The following EML6 variants were observed in gnomAD, a reference collection of about 807,000 sequenced individuals.
EML6 encodes EMAP like 6, also known as echinoderm microtubule-associated protein-like 6.
Under a neutral mutation model 240.1 loss-of-function variants are expected in EML6, and 154 were observed. The ratio of observed to expected loss-of-function variants is 0.64; its 90% CI spans 0.56 to 0.73. The LOEUF (loss-of-function observed/expected upper bound fraction) is 0.73, where lower values mean the gene tolerates loss of function less well. EML6 is among the 30% of genes least tolerant of loss of function. The pLI, the probability that EML6 is intolerant of heterozygous loss-of-function variation, is 0.00. For synonymous variants in EML6, 1,148 were observed against 899.0 expected (o/e 1.28, Z -4.95); for missense variants, 2,964 against 2,474.6 (o/e 1.20, Z -4.20).
At chr2:54,844,774 G>C (rs1429170541) in intron 8 of EML6, among the ~76,000 whole-genome samples, 27 of 152,142 alleles carry the variant, frequency 1.8e-4, no homozygotes. Context: ...TAGTTTACTC[G>C]GAGCCTCCAG....
At chr2:54,802,508 T>C (rs1670207563) in intron 2 of EML6, among the ~76,000 whole-genome samples, 1 of 151,812 alleles carries the variant, frequency 6.6e-6, no homozygotes, top group Admixed American at 6.6e-5. Context: ...GTGCCTATGG[T>C]CCCAGCTACT....
chr2:54,832,687 A>C (rs752542919), intron 7 of EML6, among the ~76,000 whole-genome samples: 2 of 152,072 alleles, frequency 1.3e-5, no homozygotes, highest in Non-Finnish European at 2.9e-5. Flanking sequence ...GAGGGTGGGA[A>C]AAGAGCAAAA....
chr2:54,847,082 A>AT (rs780889986), intron 8 of EML6, among the ~76,000 whole-genome samples: 2 of 150,738 alleles, frequency 1.3e-5, no homozygotes, highest in African/African-American at 4.9e-5. Context: ...TAATTTTTGT[A>AT]TTTTTTGTAG....
chr2:54,902,669 G>T (rs1350862068), intron 22 of EML6, among the ~76,000 whole-genome samples: 1 of 152,220 alleles, frequency 6.6e-6, no homozygotes, highest in African/African-American at 2.4e-5. Context: ...AAGGTGCTGG[G>T]ATTACAGGCA....
intron 32 of EML6, among the ~76,000 whole-genome samples, chr2:54,954,448 C>T (rs562231012): frequency 1.2e-4 from 18 of 152,288 alleles, no homozygotes; most frequent in Admixed American, 6.5e-4. Flanking sequence ...AAGGCAGCAG[C>T]CTCCCCGACA....
At chr2:54,969,996 C>A in intron 41 of EML6, 75 bp from the exon 42 acceptor site, 5 of 1,496,154 alleles carry the variant, frequency 3.3e-6, no homozygotes, top group Non-Finnish European at 3.6e-6. Context: ...GAGCACTTGG[C>A]AAGATTGTTT....
At chr2:54,834,785 TA>T (rs1234217250) in intron 7 of EML6, among the ~76,000 whole-genome samples, 1 of 152,234 alleles carries the variant, frequency 6.6e-6, no homozygotes, top group African/African-American at 2.4e-5. Context: ...GACTTGTCAC[TA>T]TCTCCACTGA....
intron 2 of EML6, among the ~76,000 whole-genome samples, chr2:54,729,531 A>G (rs2104370209): frequency 6.6e-6 from 1 of 152,296 alleles, no homozygotes; most frequent in Admixed American, 6.5e-5. Context: ...ACTGTTGCTA[A>G]CCCCAGGCTA....
chr2:54,790,510 GTCACCACCCATT>G (rs576809203), intron 2 of EML6, among the ~76,000 whole-genome samples: 2 of 152,134 alleles, frequency 1.3e-5, no homozygotes, highest in East Asian at 3.9e-4. Context: ...ATACTCTATT[GTCACCACCCATT>G]TCACGGCTGG....
chr2:54,738,903 G>C (rs976835036), intron 2 of EML6, among the ~76,000 whole-genome samples: 7 of 152,078 alleles, frequency 4.6e-5, no homozygotes, highest in Non-Finnish European at 1.0e-4. Context: ...TAGGTCACGG[G>C]GTGCACATAT....
intron 2 of EML6, among the ~76,000 whole-genome samples, chr2:54,792,620 C>G (rs575520403): frequency 1.3e-5 from 2 of 152,240 alleles, no homozygotes; most frequent in East Asian, 3.9e-4. Context: ...ACAGATGTTT[C>G]AAAACTCACA....
intron 41 of EML6, among the ~76,000 whole-genome samples, chr2:54,969,247 C>T (rs1676885486): frequency 6.6e-6 from 1 of 152,202 alleles, no homozygotes; most frequent in South Asian, 2.1e-4. Flanking sequence ...ACTCACTCAG[C>T]TTCCCCATTT....
At chr2:54,763,105 A>G (rs1199639516) in intron 2 of EML6, among the ~76,000 whole-genome samples, 1 of 152,230 alleles carries the variant, frequency 6.6e-6, no homozygotes, top group African/African-American at 2.4e-5. Flanking sequence ...CTCACAAAAC[A>G]TAATACATTT....
intron 2 of EML6, among the ~76,000 whole-genome samples, chr2:54,796,987 C>T (rs1572911216): frequency 1.3e-5 from 2 of 151,568 alleles, no homozygotes; most frequent in Admixed American, 6.6e-5. Flanking sequence ...CGTGGTGAAA[C>T]CTGGTCTCTA....
chr2:54,929,166 A>C (rs1013084813), intron 28 of EML6, among the ~76,000 whole-genome samples: 1 of 152,218 alleles, frequency 6.6e-6, no homozygotes, highest in Admixed American at 6.5e-5. Flanking sequence ...ACCATCTTCC[A>C]TTCTAACCAG....
chr2:54,866,567 T>A (rs1390367997), intron 13 of EML6, among the ~76,000 whole-genome samples, 199 bp from the exon 14 acceptor site: 1 of 152,208 alleles, frequency 6.6e-6, no homozygotes, highest in Non-Finnish European at 1.5e-5. Context: ...CAAGAAAGAT[T>A]ATTTTAAAAT....
In EML6 at chr2:54,850,031, T is replaced by C. The variant is rs928066414; in HGVS notation, c.1257T>C (p.Asp419=). The change falls in exon 10 of 42, where the codon GAT becomes GAC. Residue 419 remains aspartate (D), a synonymous_variant. Coordinates refer to ENST00000356458, the MANE Select transcript of EML6 (RefSeq NM_001039753.4). ...EVIHEMKFSP[D]GSYLAVGSND... is the part of the protein sequence containing the mutation. The stretch of plus-strand genomic sequence containing the variant: ...TTCATGAAATGAAATTTTCTCCAGA[T>C]GGTTCTTACCTTGCAGTGGGATCCA... 3.7e-5 allele frequency: 58 copies of C among 1,551,754 alleles called. No individual in the cohort carries two copies. The highest frequency in any genetic ancestry group is 4.4e-5 in the Non-Finnish European group (51 of 1,146,980).
At chr2:54,735,724 C>T (rs1683358768) in intron 2 of EML6, among the ~76,000 whole-genome samples, 1 of 152,190 alleles carries the variant, frequency 6.6e-6, no homozygotes, top group Admixed American at 6.5e-5. Context: ...TAAGAAAAAT[C>T]ATGATTTGCA....
At chr2:54,816,435 T>C (rs1194363473) in intron 3 of EML6, among the ~76,000 whole-genome samples, 3 of 152,228 alleles carry the variant, frequency 2.0e-5, no homozygotes, top group Non-Finnish European at 4.4e-5. Context: ...AAATCTCACA[T>C]TAAGATTTTA....
Sources: gnomAD v4.1 joint callset for allele counts (sites outside exome capture counted in the v4.1 genomes callset) on GRCh38, gnomAD v4.1.1 for gene constraint, MANE v1.5 for transcripts, NCBI Gene and HGNC (gene_info 2026-07-23, HGNC 2026-07-21) for gene names.